KCNH8: variants seen among roughly 807,000 people sequenced by gnomAD.
KCNH8 encodes the protein potassium voltage-gated channel subfamily H member 8.
In KCNH8, 70 loss-of-function variants were observed where a neutral mutation model predicts 103.6. The observed-to-expected ratio is 0.68, with a 90% CI of 0.56 to 0.82. The LOEUF (loss-of-function observed/expected upper bound fraction) is 0.82, where lower values mean the gene tolerates loss of function less well. KCNH8 is among the 40% of genes least tolerant of loss of function. The pLI, the probability that KCNH8 is intolerant of heterozygous loss-of-function variation, is 0.00. For synonymous variants in KCNH8, 498 were observed against 489.4 expected, an observed-to-expected ratio of 1.02 and a Z score of -0.23; for missense variants, 1,217 against 1,329.9, an observed-to-expected ratio of 0.92 and a Z score of 1.32.
intron 3 of KCNH8, among the ~76,000 whole-genome samples, chr3:19,288,799 T>G (rs1025833513): frequency 2.0e-5 from 3 of 152,202 alleles, no homozygotes; most frequent in African/African-American, 7.2e-5. Flanking sequence ...CCCTGAGAAT[T>G]GCCACACTGA....
chr3:19,522,358 G>T (rs779719488), intron 15 of KCNH8, among the ~76,000 whole-genome samples: 11 of 151,622 alleles, frequency 7.3e-5, no homozygotes, highest in Non-Finnish European at 1.6e-4. Flanking sequence ...AAGCCAAAAG[G>T]CTTGGGACTC....
rs2067421143 is a variant in KCNH8, at chr3:19,449,964, TTGTACCAAAATAGC to T, written c.1376-137_1376-124del. The T allele has an allele frequency of 4.5e-6, 3 of 663,560 alleles. No homozygotes were observed. The South Asian group carries it at 5.8e-5, about 13-fold the overall frequency. The allele number at this position is 663,560 out of a possible 1,614,324, so 41.1% of individuals were successfully genotyped here. On this transcript the variant is annotated intron_variant, in intron 8 of 15. Coordinates refer to ENST00000328405, the MANE Select transcript of KCNH8 (RefSeq NM_144633.3). Reference sequence around the variant, plus strand: ...TGACACACTGTCTGTACCAAAATGCTTGTACCAAAATAGCTGTATCAACATGGCCATGTAACCAT... The same window carrying T: ...TGACACACTGTCTGTACCAAAATGCTTGTATCAACATGGCCATGTAACCAT...
intron 11 of KCNH8, among the ~76,000 whole-genome samples, chr3:19,484,952 G>A (rs1320657026): frequency 6.6e-6 from 1 of 151,954 alleles, no homozygotes; most frequent in African/African-American, 2.4e-5. Flanking sequence ...TAGAAGGAGT[G>A]CATTTAATTT....
intron 5 of KCNH8, among the ~76,000 whole-genome samples, chr3:19,366,983 G>A (rs778015623): frequency 2.6e-5 from 4 of 152,130 alleles, no homozygotes; most frequent in Non-Finnish European, 5.9e-5. Context: ...TCACCCAAGA[G>A]AGCTGATGTG....
intron 3 of KCNH8, among the ~76,000 whole-genome samples, chr3:19,313,265 T>G (rs1437550402): frequency 6.6e-6 from 1 of 151,882 alleles, no homozygotes; most frequent in Admixed American, 6.6e-5. Flanking sequence ...ATCATTTTAT[T>G]TGGGACAAGT....
intron 3 of KCNH8, among the ~76,000 whole-genome samples, chr3:19,336,012 ATT>A (rs1375850180): frequency 1.3e-5 from 2 of 150,572 alleles, no homozygotes; most frequent in Non-Finnish European, 3.0e-5. Flanking sequence ...TGCTTCATTT[ATT>A]TTTTTGTTTC....
rs200211674 is a variant in KCNH8 at position 19,194,724 on chromosome 3, G to GCAT, written c.76+45933_76+45935dup. Among the ~76,000 whole-genome samples the GCAT allele has an allele frequency of 2.0e-5, 3 of 151,720 alleles. No individual in the cohort carries two copies. The East Asian group carries it at 5.8e-4, about 29-fold the overall frequency. ...GAGATCAATCATACCCCAAACCTCA[G>GCAT]CATCATACAATATATTCATGTAACA... is the stretch of plus-strand genomic sequence containing the variant. On this transcript the variant is annotated intron_variant, in intron 1 of 15. Transcript: ENST00000328405.
At chr3:19,448,313 C>G (rs1404859882) in intron 8 of KCNH8, among the ~76,000 whole-genome samples, 2 of 151,922 alleles carry the variant, frequency 1.3e-5, no homozygotes, top group Non-Finnish European at 2.9e-5. Context: ...GTATTCAAAT[C>G]CAGATCTGTC....
chr3:19,311,003 C>G (rs2065200834), intron 3 of KCNH8, among the ~76,000 whole-genome samples: 1 of 151,780 alleles, frequency 6.6e-6, no homozygotes, highest in Non-Finnish European at 1.5e-5. Flanking sequence ...TACTGCTACA[C>G]TTCAGCATAG....
chr3:19,501,624 A>G (rs1194015572), intron 11 of KCNH8, among the ~76,000 whole-genome samples: 3 of 152,250 alleles, frequency 2.0e-5, no homozygotes, highest in Non-Finnish European at 4.4e-5. Context: ...GGTTCAACAT[A>G]CGCAAATCAA....
intron 3 of KCNH8, among the ~76,000 whole-genome samples, chr3:19,311,357 C>T (rs9839004): frequency 0.037 from 5,627 of 151,550 alleles, 329 homozygotes; most frequent in African/African-American, 0.12. Flanking sequence ...AGTAATTTGC[C>T]CTAGTGGCTA....
At chr3:19,465,211 G>A (rs2067711093) in intron 11 of KCNH8, among the ~76,000 whole-genome samples, 1 of 152,092 alleles carries the variant, frequency 6.6e-6, no homozygotes, top group East Asian at 1.9e-4. Context: ...TTCTCATTAG[G>A]AGCTAATGTA....
At chr3:19,351,020 C>T (rs1302067868) in intron 5 of KCNH8, among the ~76,000 whole-genome samples, 1 of 151,960 alleles carries the variant, frequency 6.6e-6, no homozygotes, top group Non-Finnish European at 1.5e-5. Flanking sequence ...CTAGAATAAA[C>T]AGCATAGAGA....
intron 11 of KCNH8, among the ~76,000 whole-genome samples, chr3:19,477,859 G>A (rs1207871700): frequency 1.3e-5 from 2 of 151,954 alleles, no homozygotes; most frequent in Non-Finnish European, 2.9e-5. Flanking sequence ...TGGGCTATTC[G>A]TGTAGCCATC....
chr3:19,411,029 C>T (rs1023614604), intron 7 of KCNH8, among the ~76,000 whole-genome samples: 1 of 151,902 alleles, frequency 6.6e-6, no homozygotes, highest in African/African-American at 2.4e-5. Context: ...ATCTAGCACA[C>T]CCTAATACCA....
chr3:19,338,562 GT>G (rs1398408597), intron 3 of KCNH8, among the ~76,000 whole-genome samples: 1 of 151,962 alleles, frequency 6.6e-6, no homozygotes, highest in African/African-American at 2.4e-5. Context: ...CCCCAATCCA[GT>G]TTAAGAAATA....
At chr3:19,189,311 C>T (rs1288572934) in intron 1 of KCNH8, among the ~76,000 whole-genome samples, 1 of 151,942 alleles carries the variant, frequency 6.6e-6, no homozygotes, top group Non-Finnish European at 1.5e-5. Context: ...GTGAATCTAA[C>T]AAATGTTTCA....
chr3:19,221,235 C>G (rs139733524), intron 1 of KCNH8, among the ~76,000 whole-genome samples: 2 of 152,048 alleles, frequency 1.3e-5, no homozygotes, highest in African/African-American at 4.8e-5. Context: ...AATGGGCTTG[C>G]AAGATTACTT....
chr3:19,363,239 G>A (rs1466690563), intron 5 of KCNH8, among the ~76,000 whole-genome samples: 1 of 151,986 alleles, frequency 6.6e-6, no homozygotes, highest in Non-Finnish European at 1.5e-5. Flanking sequence ...AGTACTCTAG[G>A]GACTGACATG....
Sources: gnomAD v4.1 joint callset for allele counts (sites outside exome capture counted in the v4.1 genomes callset) on GRCh38, gnomAD v4.1.1 for gene constraint, MANE v1.5 for transcripts, NCBI Gene and HGNC (gene_info 2026-07-23, HGNC 2026-07-21) for gene names.